Variants in SOCS6 observed in about 807,000 individuals in gnomAD.
The protein encoded by SOCS6 is suppressor of cytokine signaling 6, also known as STAT induced STAT inhibitor-4.
A neutral mutation model predicts 27.7 loss-of-function variants in SOCS6; 5 were observed. The ratio of observed to expected loss-of-function variants is 0.18; its 90% CI spans 0.09 to 0.38. The LOEUF is 0.38. Among genes scored for constraint, SOCS6 ranks in the 10% least tolerant of loss-of-function variants. SOCS6 has a pLI of 1.00. For synonymous variants in SOCS6, 271 were observed against 260.0 expected (o/e 1.04, Z -0.41); for missense variants, 595 against 688.1 (o/e 0.86, Z 1.51).
intron 1 of SOCS6, among the ~76,000 whole-genome samples, chr18:70,318,065 G>A (rs2062420359): frequency 6.6e-6 from 1 of 152,098 alleles, no homozygotes; most frequent in Non-Finnish European, 1.5e-5. Context: ...ATGTTGGCCG[G>A]ACTGGCCCTC....
chr18:70,319,230 C>T (rs556215072), intron 1 of SOCS6, among the ~76,000 whole-genome samples: 2 of 151,976 alleles, frequency 1.3e-5, no homozygotes, highest in African/African-American at 4.8e-5. Context: ...GGTTTAGGAG[C>T]GGTGGAGTAG....
chr18:70,324,302 A>AAATAATAATAATAATAT (rs1911101834), intron 1 of SOCS6, among the ~76,000 whole-genome samples: 1 of 150,200 alleles, frequency 6.7e-6, no homozygotes, highest in African/African-American at 2.5e-5. Flanking sequence ...ACTCATCTCA[A>AAATAATAATAATAATAT]AATAATAATA....
intron 1 of SOCS6, among the ~76,000 whole-genome samples, chr18:70,305,221 A>G (rs1397345530): frequency 6.6e-6 from 1 of 152,230 alleles, no homozygotes; most frequent in African/African-American, 2.4e-5. Context: ...AAGAAAAAAA[A>G]AAAAGTTTTA....
At chr18:70,308,546 G>A (rs547785091) in intron 1 of SOCS6, among the ~76,000 whole-genome samples, 39 of 152,144 alleles carry the variant, frequency 2.6e-4, no homozygotes, top group African/African-American at 8.7e-4. Flanking sequence ...TGGTCTATCC[G>A]GAAAAATGAA....
rs200099706 is a variant in SOCS6, at chr18:70,294,175, T to TA, written c.-127+5087dup. ...TGAAATATAACAAGTGCTAATACTT[T>TA]AACACTAGTATTCTACTCCTTTATC... is the stretch of plus-strand genomic sequence containing the variant. On this transcript the variant is annotated intron_variant, in intron 1 of 1. Transcript: ENST00000397942. 9.5e-3 allele frequency among the ~76,000 whole-genome samples: 1,440 copies of TA among 152,244 alleles called. 23 individuals carry two copies. The highest frequency in any genetic ancestry group is 0.032 in the African/African-American group (1,318 of 41,562).
intron 1 of SOCS6, among the ~76,000 whole-genome samples, chr18:70,304,406 A>C (rs1233377108): frequency 6.6e-6 from 1 of 152,164 alleles, no homozygotes; most frequent in African/African-American, 2.4e-5. Context: ...TTAAAAGCCA[A>C]CCCATCTTAC....
intron 1 of SOCS6, 39 bp from the exon 2 acceptor site, chr18:70,324,504 A>G: frequency 1.8e-6 from 1 of 541,038 alleles, no homozygotes; most frequent in Non-Finnish European, 3.2e-6. Context: ...TTGTGGAAAT[A>G]TTTTTTAATA....
At chr18:70,299,103 C>T (rs567415425) in intron 1 of SOCS6, among the ~76,000 whole-genome samples, 14 of 152,220 alleles carry the variant, frequency 9.2e-5, no homozygotes, top group African/African-American at 3.4e-4. Flanking sequence ...GCCTGGGCAA[C>T]AAGAGCGACC....
chr18:70,307,422 T>A (rs145472956), intron 1 of SOCS6, among the ~76,000 whole-genome samples: 97 of 152,300 alleles, frequency 6.4e-4, no homozygotes, highest in Admixed American at 3.0e-3. Context: ...TTGTGAAGAT[T>A]TGTATTAATT....
intron 1 of SOCS6, among the ~76,000 whole-genome samples, chr18:70,311,035 G>A (rs1337738070): frequency 6.6e-6 from 1 of 152,114 alleles, no homozygotes; most frequent in East Asian, 1.9e-4. Flanking sequence ...GTGAGTGGCG[G>A]TTGGAGCAGC....
rs779389156 is a variant in SOCS6 at position 70,326,295 on chromosome 18, T to A, written c.*19T>A. On this transcript the variant is annotated 3_prime_UTR_variant, in exon 2 of 2. Transcript: ENST00000397942. ...CTACTGAAAGATTGAGAACCCTGCA[T>A]CTTGCACTTTGGGAATAAGAACAAG... 10 of 1,574,410 alleles carry A rather than the reference T, an allele frequency of 6.4e-6. No individual in the cohort carries two copies. The highest frequency in any genetic ancestry group is 7.8e-6 in the Non-Finnish European group (9 of 1,159,780).
chr18:70,305,711 A>C (rs1048241097), intron 1 of SOCS6, among the ~76,000 whole-genome samples: 2 of 152,244 alleles, frequency 1.3e-5, no homozygotes, highest in African/African-American at 4.8e-5. Context: ...CTAATTATTT[A>C]GAATCTCTAT....
chr18:70,292,177 T>G, intron 1 of SOCS6, among the ~76,000 whole-genome samples: 1 of 152,174 alleles, frequency 6.6e-6, no homozygotes, highest in South Asian at 2.1e-4. Context: ...TCACGTAAGA[T>G]TTCAGTTCTC....
At chr18:70,320,856 C>G (rs1910959802) in intron 1 of SOCS6, among the ~76,000 whole-genome samples, 1 of 152,186 alleles carries the variant, frequency 6.6e-6, no homozygotes, top group Non-Finnish European at 1.5e-5. Flanking sequence ...GTCTAGCTGT[C>G]TTCCTTTAGT....
intron 1 of SOCS6, among the ~76,000 whole-genome samples, chr18:70,318,463 T>A (rs1199401797): frequency 6.6e-6 from 1 of 152,132 alleles, no homozygotes; most frequent in African/African-American, 2.4e-5. Context: ...AGAACACACT[T>A]AGTACAACTA....
intron 1 of SOCS6, among the ~76,000 whole-genome samples, chr18:70,300,042 C>T (rs2062341377): frequency 6.6e-6 from 1 of 152,040 alleles, no homozygotes; most frequent in African/African-American, 2.4e-5. Flanking sequence ...GATGAATTGG[C>T]ATATATATTT....
chr18:70,322,720 T>C (rs1332193309), intron 1 of SOCS6, among the ~76,000 whole-genome samples: 2 of 152,218 alleles, frequency 1.3e-5, no homozygotes, highest in South Asian at 2.1e-4. Flanking sequence ...TTACAACTTA[T>C]TCAGAAACAT....
At chr18:70,296,171 A>G (rs771712244) in intron 1 of SOCS6, among the ~76,000 whole-genome samples, 1 of 152,176 alleles carries the variant, frequency 6.6e-6, no homozygotes, top group Admixed American at 6.5e-5. Flanking sequence ...TTCCTGTGAA[A>G]GGTGATGGGG....
intron 1 of SOCS6, among the ~76,000 whole-genome samples, chr18:70,308,567 AATATT>A (rs1417417505): frequency 6.6e-6 from 1 of 152,130 alleles, no homozygotes; most frequent in Non-Finnish European, 1.5e-5. Context: ...GCCTTGAAAA[AATATT>A]AATTAGGTCA....
Sources: allele counts gnomAD v4.1 joint callset (sites outside exome capture counted in the v4.1 genomes callset), GRCh38; gene constraint gnomAD v4.1.1; transcripts MANE v1.5; gene names NCBI Gene and HGNC (gene_info 2026-07-23, HGNC 2026-07-21).